The following RBFOX1 variants were observed in gnomAD, a reference collection of about 807,000 sequenced individuals.
The protein encoded by RBFOX1 is RNA binding fox-1 homolog 1, also known as RNA binding protein fox-1 homolog 1.
RBFOX1 carries 8 observed loss-of-function variants against 57.7 expected under a neutral mutation model. The ratio of observed to expected loss-of-function variants is 0.14; its 90% CI spans 0.08 to 0.25. The LOEUF is 0.25. Ranked by LOEUF, RBFOX1 falls within the 10% of genes least tolerant of loss-of-function variation. The probability of loss-of-function intolerance (pLI) is 1.00; values close to 1 mark genes in which losing one functional copy is unlikely to be tolerated. For synonymous variants in RBFOX1, 326 were observed against 222.4 expected, an observed-to-expected ratio of 1.47 and a Z score of -4.15; for missense variants, 611 against 548.5, an observed-to-expected ratio of 1.11 and a Z score of -1.14.
chr16:7,115,301 T>G (rs953550531), intron 4 of RBFOX1, among the ~76,000 whole-genome samples: 7 of 152,180 alleles, frequency 4.6e-5, no homozygotes, highest in Non-Finnish European at 7.3e-5. Context: ...ATTACTTGTG[T>G]GCCAGCAACG....
intron 4 of RBFOX1, among the ~76,000 whole-genome samples, chr16:7,179,851 C>G (rs1482895306): frequency 6.6e-6 from 1 of 152,052 alleles, no homozygotes; most frequent in Non-Finnish European, 1.5e-5. Context: ...TCTCCTGCCT[C>G]AGCCTCCTGA....
At chr16:6,366,026 C>T (rs2089539792) in intron 2 of RBFOX1, among the ~76,000 whole-genome samples, 1 of 150,806 alleles carries the variant, frequency 6.6e-6, no homozygotes, top group Non-Finnish European at 1.5e-5. Context: ...CACATTCTAA[C>T]TTCTTTGGCT....
intron 1 of RBFOX1, among the ~76,000 whole-genome samples, chr16:6,022,872 A>T (rs928277275): frequency 6.6e-6 from 1 of 152,186 alleles, no homozygotes; most frequent in African/African-American, 2.4e-5. Context: ...GCAAGAACAC[A>T]ACATGGGCTG....
intron 1 of RBFOX1, among the ~76,000 whole-genome samples, chr16:6,054,451 T>G (rs1405681315): frequency 1.3e-5 from 2 of 152,252 alleles, no homozygotes; most frequent in African/African-American, 4.8e-5. Context: ...TCAGGTTTCC[T>G]GTCTTTCCCA....
intron 4 of RBFOX1, among the ~76,000 whole-genome samples, chr16:7,246,266 A>G (rs1005493870): frequency 6.6e-6 from 1 of 152,126 alleles, no homozygotes; most frequent in Non-Finnish European, 1.5e-5. Context: ...ACCCTAATCC[A>G]ATGCAATCCA....
intron 2 of RBFOX1, among the ~76,000 whole-genome samples, chr16:6,602,589 C>A (rs139253770): frequency 6.6e-6 from 1 of 152,190 alleles, no homozygotes; most frequent in Non-Finnish European, 1.5e-5. Context: ...GGAGGCCAGG[C>A]GGGGACTCCT....
chr16:6,804,513 T>G (rs904588230), intron 3 of RBFOX1, among the ~76,000 whole-genome samples: 3 of 152,132 alleles, frequency 2.0e-5, no homozygotes, highest in Admixed American at 1.3e-4. Flanking sequence ...ATAAATAATC[T>G]TCATCCTACA....
intron 14 of RBFOX1, among the ~76,000 whole-genome samples, chr16:7,701,743 C>A (rs568111755): frequency 1.7e-4 from 26 of 152,010 alleles, no homozygotes; most frequent in Admixed American, 4.6e-4. Context: ...GCTATAGTAA[C>A]CACAGAGGAG....
chr16:5,997,526 T>A (rs1025110244), intron 4 of RBFOX1, among the ~76,000 whole-genome samples: 1 of 152,238 alleles, frequency 6.6e-6, no homozygotes, highest in Non-Finnish European at 1.5e-5. Flanking sequence ...GTACTTTATC[T>A]GACATAGTAC....
intron 1 of RBFOX1, among the ~76,000 whole-genome samples, chr16:5,456,444 C>G (rs62016422): frequency 0.024 from 3,636 of 152,268 alleles, 50 homozygotes; most frequent in Non-Finnish European, 0.038. Flanking sequence ...TAGAATCATT[C>G]TTGGTAGTCC....
chr16:6,939,181 A>G (rs111647312), intron 3 of RBFOX1, among the ~76,000 whole-genome samples: 1 of 152,208 alleles, frequency 6.6e-6, no homozygotes, highest in Non-Finnish European at 1.5e-5. Context: ...ACTCAGGCCA[A>G]TGAAGAGAAA....
At chr16:6,968,056 T>C (rs2153562941) in intron 3 of RBFOX1, among the ~76,000 whole-genome samples, 1 of 152,248 alleles carries the variant, frequency 6.6e-6, no homozygotes, top group South Asian at 2.1e-4. Flanking sequence ...TGGGAGGTGC[T>C]TGGGTCTGAC....
chr16:7,536,752 C>A (rs939984463), intron 5 of RBFOX1, among the ~76,000 whole-genome samples: 4 of 152,158 alleles, frequency 2.6e-5, no homozygotes, highest in Non-Finnish European at 5.9e-5. Flanking sequence ...TGTCTCTTTC[C>A]AACAGGACAG....
intron 5 of RBFOX1, among the ~76,000 whole-genome samples, chr16:7,523,458 T>C (rs781238194): frequency 2.0e-5 from 3 of 152,198 alleles, no homozygotes; most frequent in African/African-American, 4.8e-5. Context: ...TTCCTGAACT[T>C]GGGCAAACAT....
At chr16:7,632,905 C>A (rs1568195958) in intron 11 of RBFOX1, among the ~76,000 whole-genome samples, 1 of 151,980 alleles carries the variant, frequency 6.6e-6, no homozygotes, top group African/African-American at 2.4e-5. Flanking sequence ...AAACAATCAA[C>A]TCCAAAAGTG....
chr16:7,650,787 A>G (rs1378691916), intron 11 of RBFOX1, among the ~76,000 whole-genome samples: 1 of 152,178 alleles, frequency 6.6e-6, no homozygotes, highest in East Asian at 1.9e-4. Context: ...TTATTTCAAA[A>G]TCCAGGGTGT....
At chr16:6,561,109 A>G (rs1161969099) in intron 2 of RBFOX1, among the ~76,000 whole-genome samples, 2 of 152,174 alleles carry the variant, frequency 1.3e-5, no homozygotes, top group African/African-American at 4.8e-5. Context: ...TTTGCAGTCT[A>G]TGAACTTTGA....
At chr16:6,466,929 C>T (rs2095062515) in intron 2 of RBFOX1, among the ~76,000 whole-genome samples, 2 of 151,900 alleles carry the variant, frequency 1.3e-5, no homozygotes, top group South Asian at 4.1e-4. Context: ...TAACTAAATG[C>T]AGCAGATTTA....
At chr16:7,083,217 T>G (rs1039599168) in intron 4 of RBFOX1, among the ~76,000 whole-genome samples, 1 of 152,024 alleles carries the variant, frequency 6.6e-6, no homozygotes, top group Non-Finnish European at 1.5e-5. Flanking sequence ...TTCCGTCTGT[T>G]TAACCTCTGG....
Sources: allele counts gnomAD v4.1 joint callset (sites outside exome capture counted in the v4.1 genomes callset), GRCh38; gene constraint gnomAD v4.1.1; transcripts MANE v1.5; gene names NCBI Gene and HGNC (gene_info 2026-07-23, HGNC 2026-07-21).